Variants in DCLK3 observed in about 807,000 individuals in gnomAD.
DCLK3 encodes doublecortin like kinase 3.
A neutral mutation model predicts 46.4 loss-of-function variants in DCLK3; 30 were observed. The observed-to-expected ratio is 0.65, with a 90% CI of 0.48 to 0.88. The LOEUF (loss-of-function observed/expected upper bound fraction) is 0.88, where lower values mean the gene tolerates loss of function less well. Ranked by LOEUF, DCLK3 falls within the 40% of genes least tolerant of loss-of-function variation. The pLI, the probability that DCLK3 is intolerant of heterozygous loss-of-function variation, is 0.00. For synonymous variants in DCLK3, 401 were observed against 339.2 expected (o/e 1.18, Z -2.00); for missense variants, 846 against 907.1 (o/e 0.93, Z 0.87).
intron 1 of DCLK3, among the ~76,000 whole-genome samples, chr3:36,751,978 G>A (rs542662161): frequency 4.6e-5 from 7 of 152,296 alleles, no homozygotes; most frequent in East Asian, 3.9e-4. Flanking sequence ...CTACACAGCT[G>A]TCAACATTCT....
At position 36,732,478 on chromosome 3, in the gene DCLK3, A is replaced by C. The variant is rs116795500; in HGVS notation, c.1959+4730T>G. Among the ~76,000 whole-genome samples the C allele has an allele frequency of 5.0e-3, 766 of 152,306 alleles. 10 individuals carry two copies. Among genetic ancestry groups the C allele is most frequent in the African/African-American group, 0.018 (732 of 41,566 alleles). The stretch of plus-strand genomic sequence containing the variant: ...AATGTAAACCTACAGTCATAACTGC[A>C]ATGATTTCTGACAAGAATATACCCC... On this transcript the variant is annotated intron_variant, in intron 2 of 4. Coordinates refer to ENST00000636136, the MANE Select transcript of DCLK3 (RefSeq NM_001394672.2).
At chr3:36,763,205 A>G (rs779936289) in intron 1 of DCLK3, among the ~76,000 whole-genome samples, 7 of 152,244 alleles carry the variant, frequency 4.6e-5, no homozygotes, top group African/African-American at 9.6e-5. Context: ...AACAGCTGTC[A>G]TCTTGGACAA....
intron 1 of DCLK3, among the ~76,000 whole-genome samples, chr3:36,747,659 A>T (rs1386878293): frequency 2.6e-5 from 4 of 152,136 alleles, no homozygotes; most frequent in African/African-American, 9.7e-5. Context: ...AGGGAAATTT[A>T]TGTCCGCTTT....
chr3:36,738,862 A>G lies in DCLK3; in HGVS notation c.305T>C (p.Leu102Pro), dbSNP rs894977156. Residue 102 changes from leucine to proline, a missense_variant, in exon 2 of 5, where the codon CTG becomes CCG. Coordinates refer to ENST00000636136, the MANE Select transcript of DCLK3 (RefSeq NM_001394672.2). Reference protein sequence around the residue: ...LKPRVVTVVKLGGQRPRKITL... With the variant: ...LKPRVVTVVKPGGQRPRKITL... ...GATCTTTCGGGGGCGCTGCCCACCC[A>G]GCTTCACTACGGTCACGACCCTGGG... 40 of 551,724 alleles carry G rather than the reference A, an allele frequency of 7.3e-5. No individual in the cohort carries two copies. Among genetic ancestry groups the G allele is most frequent in the Middle Eastern group, 5.3e-4 (1 of 1,898 alleles). The allele number at this position is 551,724 out of a possible 1,614,324, so 34.2% of individuals were successfully genotyped here.
chr3:36,751,202 T>C (rs1395790015), intron 1 of DCLK3, among the ~76,000 whole-genome samples: 1 of 152,060 alleles, frequency 6.6e-6, no homozygotes, highest in Non-Finnish European at 1.5e-5. Context: ...TTTCCCCTAA[T>C]TCAAAAGAAG....
intron 1 of DCLK3, among the ~76,000 whole-genome samples, chr3:36,754,477 C>T (rs1035393151): frequency 6.6e-6 from 1 of 152,170 alleles, no homozygotes; most frequent in East Asian, 1.9e-4. Context: ...GAAGAGGTGG[C>T]ATCCTCTGAC....
intron 1 of DCLK3, among the ~76,000 whole-genome samples, chr3:36,759,273 C>G (rs563100137): frequency 6.6e-6 from 1 of 152,298 alleles, no homozygotes; most frequent in African/African-American, 2.4e-5. Context: ...CCGCCATCCC[C>G]TATTTCCCAG....
chr3:36,728,236 G>A (rs114082621), intron 2 of DCLK3, among the ~76,000 whole-genome samples: 1,921 of 152,290 alleles, frequency 0.013, 44 homozygotes, highest in African/African-American at 0.043. Flanking sequence ...CTCCAAAGAC[G>A]GGAAGCAAGT....
intron 1 of DCLK3, among the ~76,000 whole-genome samples, chr3:36,744,104 A>T (rs1701374020): frequency 6.6e-6 from 1 of 152,166 alleles, no homozygotes; most frequent in South Asian, 2.1e-4. Context: ...CCTCTCAACT[A>T]AACTGTAAGC....
intron 4 of DCLK3, among the ~76,000 whole-genome samples, chr3:36,717,297 C>T (rs1209809272): frequency 3.9e-5 from 6 of 152,180 alleles, no homozygotes; most frequent in South Asian, 2.1e-4. Context: ...GAAGGGGTAT[C>T]GCCAGTTGCC....
Position 36,713,460 on chromosome 3 carries a change from T to C in DCLK3, c.*1868A>G, listed in dbSNP as rs1024370402. On this transcript the variant is annotated 3_prime_UTR_variant, in exon 5 of 5. Transcript: ENST00000636136. ...AATCCAGCTTCCAGCCTCTTTCACG[T>C]GTTCAGAATGAGTCCCATTACACTG... 1.3e-5 allele frequency: 2 copies of C among 152,186 alleles called. No individual in the cohort carries two copies. Among genetic ancestry groups the C allele is most frequent in the Non-Finnish European group, 1.5e-5 (1 of 68,038 alleles). The allele number at this position is 152,186 out of a possible 1,614,324, so 9.4% of individuals were successfully genotyped here. A position where few individuals can be genotyped will look rare whatever the true frequency, so the allele number is the denominator to read the frequency against.
chr3:36,754,177 A>G (rs764456856), intron 1 of DCLK3, among the ~76,000 whole-genome samples: 1 of 152,212 alleles, frequency 6.6e-6, no homozygotes, highest in Non-Finnish European at 1.5e-5. Flanking sequence ...CCAGCAGCCA[A>G]TGCATGGCTT....
intron 4 of DCLK3, among the ~76,000 whole-genome samples, chr3:36,716,788 C>T (rs928292594): frequency 1.3e-5 from 2 of 152,242 alleles, no homozygotes; most frequent in Non-Finnish European, 2.9e-5. Flanking sequence ...ACTCTCCTCA[C>T]TCTGTAGAGA....
At chr3:36,739,874 G>A (rs1048233362) in intron 1 of DCLK3, 1 of 152,204 alleles carries the variant, frequency 6.6e-6, no homozygotes, top group African/African-American at 2.4e-5. Context: ...GAACATTCTA[G>A]AACTTTGAAG....
intron 2 of DCLK3, among the ~76,000 whole-genome samples, chr3:36,734,752 C>T (rs999506814): frequency 2.0e-5 from 3 of 152,020 alleles, no homozygotes; most frequent in Non-Finnish European, 4.4e-5. Flanking sequence ...ACACACAATT[C>T]CATTGCCCCA....
chr3:36,740,517 C>G (rs1306926987), intron 1 of DCLK3, among the ~76,000 whole-genome samples: 3 of 152,140 alleles, frequency 2.0e-5, no homozygotes, highest in Non-Finnish European at 4.4e-5. Flanking sequence ...ATGGTTTTCC[C>G]TCTTCTTATT....
At chr3:36,723,577 G>C (rs961760366) in intron 2 of DCLK3, among the ~76,000 whole-genome samples, 16 of 152,160 alleles carry the variant, frequency 1.1e-4, no homozygotes, top group Non-Finnish European at 2.4e-4. Flanking sequence ...GTGCAGCCTA[G>C]GGACTTGGTA....
In DCLK3 at chr3:36,714,192, A is replaced by C. The variant is rs992880727; in HGVS notation, c.*1136T>G. 1 of 152,202 alleles carries C rather than the reference A, an allele frequency of 6.6e-6. No individual in the cohort carries two copies. The highest frequency in any genetic ancestry group is 1.9e-4 in the East Asian group (1 of 5,190). The allele number at this position is 152,202 out of a possible 1,614,324, so 9.4% of individuals were successfully genotyped here. A position where few individuals can be genotyped will look rare whatever the true frequency, so the allele number is the denominator to read the frequency against. The stretch of plus-strand genomic sequence containing the variant: ...CCAAAACCTGATTAAGCAATTCCTT[A>C]TGTTGAATTCTCTAGTACTATTCCG... On this transcript the variant is annotated 3_prime_UTR_variant, in exon 5 of 5. Transcript: ENST00000636136.
At chr3:36,754,613 G>A (rs1701470418) in intron 1 of DCLK3, among the ~76,000 whole-genome samples, 1 of 152,192 alleles carries the variant, frequency 6.6e-6, no homozygotes, top group African/African-American at 2.4e-5. Context: ...TTACAGGTAA[G>A]TTTTAAATGT....
Sources: allele counts gnomAD v4.1 joint callset (sites outside exome capture counted in the v4.1 genomes callset), GRCh38; gene constraint gnomAD v4.1.1; transcripts MANE v1.5; gene names NCBI Gene and HGNC (gene_info 2026-07-23, HGNC 2026-07-21).